MYO18A: variants seen among roughly 807,000 people sequenced by gnomAD.
MYO18A encodes myosin XVIIIA.
Under a neutral mutation model 235.8 loss-of-function variants are expected in MYO18A, and 78 were observed. The ratio of observed to expected loss-of-function variants is 0.33; its 90% CI spans 0.28 to 0.40. The LOEUF (loss-of-function observed/expected upper bound fraction) is 0.40, where lower values mean the gene tolerates loss of function less well. Ranked by LOEUF, MYO18A falls within the 10% of genes least tolerant of loss-of-function variation. The pLI is 1.00. For synonymous variants in MYO18A, 977 were observed against 1,077.8 expected (o/e 0.91, Z 1.83); for missense variants, 2,215 against 2,699.3 (o/e 0.82, Z 3.98).
chr17:29,131,348 C>T (rs1480510031), intron 2 of MYO18A: 1 of 979,624 alleles, frequency 1.0e-6, no homozygotes, highest in Non-Finnish European at 1.2e-6. Flanking sequence ...CGCACACACA[C>T]ACGCATGCCT....
At chr17:29,174,338 T>C (rs1419324336) in intron 1 of MYO18A, among the ~76,000 whole-genome samples, 1 of 151,906 alleles carries the variant, frequency 6.6e-6, no homozygotes, top group Non-Finnish European at 1.5e-5. Context: ...AGACTCTGAC[T>C]CTACAAAAAA....
Position 29,097,865 on chromosome 17 carries a change from A to G in MYO18A, c.4025T>C (p.Val1342Ala). The G allele has an allele frequency of 6.2e-7, 1 of 1,613,620 alleles. No homozygotes were observed. The highest frequency in any genetic ancestry group is 8.5e-7 in the Non-Finnish European group (1 of 1,179,740). ...GGCCTCCATCACCTCCATTTCCATAACCTCCATCTGCTTCTTCAGTGCATC... is the reference window on the plus strand; with the variant it reads ...GGCCTCCATCACCTCCATTTCCATAGCCTCCATCTGCTTCTTCAGTGCATC... The part of the protein sequence containing the change: ...QYDALKKQME[V>A]MEMEVMEARL... Residue 1342 changes from valine to alanine, a missense_variant, in exon 26 of 42, where the codon GTT (valine) becomes GCT (alanine). By Grantham distance (64) the Val-to-Ala change is moderately conservative. Transcript: ENST00000527372.
At chr17:29,168,740 C>T (rs2068335246) in intron 1 of MYO18A, among the ~76,000 whole-genome samples, 1 of 152,224 alleles carries the variant, frequency 6.6e-6, no homozygotes, top group Admixed American at 6.5e-5. Context: ...GCCCAGCATC[C>T]TGACTTGTGT....
chr17:29,121,826 C>A lies in MYO18A; in HGVS notation c.1194+25G>T, dbSNP rs375665767. On this transcript the variant is annotated intron_variant, in intron 4 of 41. Coordinates refer to ENST00000527372, the MANE Select transcript of MYO18A (RefSeq NM_078471.4). This position sits in a 1 kb window ranked among gnomAD's most constrained non-coding sequence, Gnocchi z 4.2. ...CAGTGCACTCCTGAGCCTCCTCCCC[C>A]ACACCCAGCCCCCTGCCCACCTACC... 6.2e-6 allele frequency: 10 copies of A among 1,613,184 alleles called. No homozygotes were observed. The highest frequency in any genetic ancestry group is 7.6e-6 in the Non-Finnish European group (9 of 1,179,424).
Position 29,140,304 on chromosome 17 carries a change from G to T in MYO18A, c.1000-18051C>A. 1 of 1,215,404 alleles carries T rather than the reference G, an allele frequency of 8.2e-7. No individual in the cohort carries two copies. Among genetic ancestry groups the T allele is most frequent in the South Asian group, 1.4e-5 (1 of 72,854 alleles). 75.3% of individuals were successfully genotyped at this position (1,215,404 alleles called of 1,614,324 possible). On this transcript the variant is annotated intron_variant, in intron 2 of 41. Coordinates refer to ENST00000527372, the MANE Select transcript of MYO18A (RefSeq NM_078471.4). The surrounding 1 kb of genome is among the most constrained non-coding windows in gnomAD (Gnocchi z 4.2). ...TGAGGAAATAGCATGAGGAGCCTGGGACATTTCCGGGGTGGGGGGTCAGAG... is the reference window on the plus strand; with the variant it reads ...TGAGGAAATAGCATGAGGAGCCTGGTACATTTCCGGGGTGGGGGGTCAGAG...
At chr17:29,082,240 T>G in intron 41 of MYO18A, 76 bp downstream of exon 41, 1 of 1,587,498 alleles carries the variant, frequency 6.3e-7, no homozygotes, top group Non-Finnish European at 8.6e-7. Context: ...CCTGCCCTCA[T>G]GGGATCCAGG....
rs1211502950 is a variant in MYO18A, at chr17:29,158,006, C to T, written c.999+7936G>A. On this transcript the variant is annotated intron_variant, in intron 2 of 41. Coordinates refer to ENST00000527372, the MANE Select transcript of MYO18A (RefSeq NM_078471.4). This position sits in a 1 kb window ranked among gnomAD's most constrained non-coding sequence, Gnocchi z 4.3. ...ATGGTGTTTTGCCATGTTGCCCAGG[C>T]TGGTCTCAAACTCCTAGGCTCAAGC... is the stretch of plus-strand genomic sequence containing the variant. Among the ~76,000 whole-genome samples, 1 of 152,092 alleles carries T rather than the reference C, an allele frequency of 6.6e-6. No homozygotes were observed. The highest frequency in any genetic ancestry group is 1.9e-4 in the East Asian group (1 of 5,188).
chr17:29,119,411 C>CA lies in MYO18A; in HGVS notation c.1752dup (p.Val585CysfsTer8). On this transcript the variant is annotated frameshift_variant, in exon 8 of 42. Coordinates refer to ENST00000527372, the MANE Select transcript of MYO18A (RefSeq NM_078471.4). LOFTEE classifies it high-confidence loss of function. Reference sequence around the variant, plus strand: ...GCTTCACTGGCTGGGCGCCGAGCCACACGCAGCTTCTCCAGAAGCATTGTC... The same window carrying CA: ...GCTTCACTGGCTGGGCGCCGAGCCACAACGCAGCTTCTCCAGAAGCATTGTC... 1 of 1,611,260 alleles carries CA rather than the reference C, an allele frequency of 6.2e-7. No homozygotes were observed. The highest frequency in any genetic ancestry group is 1.1e-5 in the South Asian group (1 of 90,364).
Position 29,110,360 on chromosome 17 carries a change from C to T in MYO18A, c.3087+76G>A, listed in dbSNP as rs1598319117. On this transcript the variant is annotated intron_variant, in intron 18 of 41. Transcript: ENST00000527372. ...GGGCACCAGATGGCCTCAGTGTGCT[C>T]GGAGTCCCCAGGCCTGCCTACCAGG... The T allele has an allele frequency of 1.4e-5, 20 of 1,462,442 alleles. No individual in the cohort carries two copies. The East Asian group carries it at 1.7e-4, about 13-fold the overall frequency. The allele number at this position is 1,462,442 out of a possible 1,614,324, so 90.6% of individuals were successfully genotyped here.
At position 29,074,908 on chromosome 17, in the gene MYO18A, G is replaced by T; in HGVS notation, c.6027C>A (p.Thr2009=). 6.2e-7 allele frequency: 1 copy of T among 1,613,974 alleles called. No individual in the cohort carries two copies. The highest frequency in any genetic ancestry group is 8.5e-7 in the Non-Finnish European group (1 of 1,179,880). The change falls in exon 42 of 42, where the codon ACC becomes ACA. Residue 2009 remains threonine (T), a synonymous_variant. Transcript: ENST00000527372. The surrounding 1 kb of genome is among the most constrained non-coding windows in gnomAD (Gnocchi z 4.4). ...CAGGGGCAAGGGACTTCCAGTAGCT[G>T]GTGGGGCTGCAGGGACCGAGGAATA... ...DDGSLKSSSP[T]SYWKSLAPDR...
At chr17:29,146,589 T>A (rs139666685) in intron 2 of MYO18A, among the ~76,000 whole-genome samples, 51 of 152,366 alleles carry the variant, frequency 3.3e-4, no homozygotes, top group African/African-American at 1.1e-3. Flanking sequence ...ATGGAGGGCA[T>A]GTGACCCAAT....
chr17:29,096,992 G>A, intron 27 of MYO18A, 77 bp from the exon 28 acceptor site: 2 of 1,455,936 alleles, frequency 1.4e-6, no homozygotes, highest in Non-Finnish European at 1.8e-6. Flanking sequence ...GGAAGTGGGT[G>A]AGTGAGGGGA....
chr17:29,131,713 G>A (rs1453938467), intron 2 of MYO18A, among the ~76,000 whole-genome samples: 3 of 152,242 alleles, frequency 2.0e-5, no homozygotes, highest in African/African-American at 7.2e-5. Flanking sequence ...TTTGGGGGCT[G>A]TCTAAAGAGG....
At chr17:29,115,996 G>A in intron 11 of MYO18A, 156 bp from the exon 12 acceptor site, 1 of 757,564 alleles carries the variant, frequency 1.3e-6, no homozygotes, top group Admixed American at 3.1e-5. Context: ...AGCCAGCAGT[G>A]GCCAGCATTT....
intron 41 of MYO18A, chr17:29,080,265 G>A (rs183995640): frequency 1.5e-4 from 150 of 985,938 alleles, no homozygotes; most frequent in Non-Finnish European, 1.8e-4. Context: ...CCTCGTTGAC[G>A]GCAGCCTCCA....
intron 1 of MYO18A, among the ~76,000 whole-genome samples, chr17:29,178,888 C>T (rs1017170606): frequency 6.6e-6 from 1 of 152,222 alleles, no homozygotes; most frequent in Non-Finnish European, 1.5e-5. Flanking sequence ...CTTAATCACC[C>T]AGGTGGCCTC....
chr17:29,117,805 C>T lies in MYO18A; in HGVS notation c.2038+240G>A, dbSNP rs2067108865. Among the ~76,000 whole-genome samples the T allele has an allele frequency of 6.6e-6, 1 of 152,350 alleles. No individual in the cohort carries two copies. The highest frequency in any genetic ancestry group is 1.9e-4 in the East Asian group (1 of 5,194). On this transcript the variant is annotated intron_variant, in intron 10 of 41. Coordinates refer to ENST00000527372, the MANE Select transcript of MYO18A (RefSeq NM_078471.4). This position sits in a 1 kb window ranked among gnomAD's most constrained non-coding sequence, Gnocchi z 4.6. ...CTCAGCCTCTGAACCCCCAGCCCTC[C>T]ATGCTTCCTCATGGTGCCCCCCAGC...
intron 23 of MYO18A, 94 bp downstream of exon 23, chr17:29,098,732 C>G: frequency 6.7e-7 from 1 of 1,500,200 alleles, no homozygotes; most frequent in South Asian, 1.3e-5. Flanking sequence ...GATGACAGCT[C>G]TCTGGACTAA....
intron 32 of MYO18A, 99 bp from the exon 33 acceptor site, chr17:29,093,100 C>G: frequency 6.9e-7 from 1 of 1,454,578 alleles, no homozygotes. Flanking sequence ...ATCAGTGTCC[C>G]CATAAGGATG....
Sources: gnomAD v4.1 joint callset for allele counts (sites outside exome capture counted in the v4.1 genomes callset) on GRCh38, gnomAD v4.1.1 for gene constraint, Gnocchi (gnomAD v3.1) non-coding constraint, MANE v1.5 for transcripts, NCBI Gene and HGNC (gene_info 2026-07-23, HGNC 2026-07-21) for gene names.